UVRAG: variants seen among roughly 807,000 people sequenced by gnomAD.
UVRAG encodes UV radiation resistance associated.
Under a neutral mutation model 78.0 loss-of-function variants are expected in UVRAG, and 19 were observed. The ratio of observed to expected loss-of-function variants is 0.24; its 90% CI spans 0.17 to 0.36. The LOEUF (loss-of-function observed/expected upper bound fraction) is 0.36. UVRAG is among the 10% of genes least tolerant of loss of function. The probability of loss-of-function intolerance (pLI) is 1.00; values close to 1 mark genes in which losing one functional copy is unlikely to be tolerated. For missense variants in UVRAG, 740 were observed against 853.8 expected (o/e 0.87, Z 1.66); for synonymous variants, 323 against 324.6 (o/e 1.00, Z 0.05).
At chr11:75,987,170 A>G (rs148525632) in intron 8 of UVRAG, among the ~76,000 whole-genome samples, 50 of 152,294 alleles carry the variant, frequency 3.3e-4, no homozygotes, top group Non-Finnish European at 6.2e-4. Flanking sequence ...TAACTTTTTG[A>G]ATGACTGCCA....
chr11:76,121,200 C>T (rs557899753), intron 14 of UVRAG, among the ~76,000 whole-genome samples: 3 of 152,242 alleles, frequency 2.0e-5, no homozygotes, highest in South Asian at 4.2e-4. Context: ...TGAGAATGAT[C>T]GACCTGATTA....
At chr11:76,137,154 C>T (rs1264751075) in intron 14 of UVRAG, 9 of 336,976 alleles carry the variant, frequency 2.7e-5, no homozygotes, top group East Asian at 7.6e-5. Context: ...TGGCCCGCCA[C>T]GCAAATCCTG....
intron 13 of UVRAG, among the ~76,000 whole-genome samples, chr11:76,090,230 G>A (rs548867065): frequency 2.0e-5 from 3 of 152,174 alleles, no homozygotes; most frequent in South Asian, 4.2e-4. Flanking sequence ...TCATGTCCTC[G>A]CTTTACCTTT....
At chr11:76,125,906 T>C (rs1952378574) in intron 14 of UVRAG, among the ~76,000 whole-genome samples, 1 of 151,952 alleles carries the variant, frequency 6.6e-6, no homozygotes, top group Admixed American at 6.6e-5. Context: ...TCAATAGAAA[T>C]ATAATATGAG....
intron 1 of UVRAG, among the ~76,000 whole-genome samples, chr11:75,817,270 G>T (rs1352305215): frequency 6.6e-6 from 1 of 152,160 alleles, no homozygotes; most frequent in Middle Eastern, 3.2e-3. Flanking sequence ...TAGTTTGGGG[G>T]AGCTTCGAGA....
chr11:76,020,859 G>A (rs1304367457), intron 12 of UVRAG, among the ~76,000 whole-genome samples: 4 of 151,950 alleles, frequency 2.6e-5, no homozygotes, highest in Non-Finnish European at 4.4e-5. Context: ...CACCTTTTCC[G>A]TGGTAGAAAG....
At chr11:75,998,519 AAC>A (rs1949749807) in intron 8 of UVRAG, among the ~76,000 whole-genome samples, 1 of 152,228 alleles carries the variant, frequency 6.6e-6, no homozygotes, top group Non-Finnish European at 1.5e-5. Context: ...AAGAAAAAAA[AAC>A]ACTGGATAAT....
chr11:75,913,047 G>T (rs1947772936), intron 6 of UVRAG, among the ~76,000 whole-genome samples: 1 of 152,192 alleles, frequency 6.6e-6, no homozygotes, highest in Non-Finnish European at 1.5e-5. Flanking sequence ...AGAGGGTGGA[G>T]ATTGTAGTAA....
At chr11:76,095,305 T>C (rs1361199457) in intron 13 of UVRAG, among the ~76,000 whole-genome samples, 1 of 152,172 alleles carries the variant, frequency 6.6e-6, no homozygotes, top group Non-Finnish European at 1.5e-5. Context: ...CTCTCAACTT[T>C]CCCTACTTCT....
intron 3 of UVRAG, among the ~76,000 whole-genome samples, chr11:75,875,968 C>T (rs760299508): frequency 2.0e-5 from 3 of 152,038 alleles, no homozygotes; most frequent in Admixed American, 6.5e-5. Context: ...GAGCCCATGA[C>T]TTAGAGACCA....
At chr11:75,947,048 A>G (rs748342486) in intron 6 of UVRAG, among the ~76,000 whole-genome samples, 1 of 152,042 alleles carries the variant, frequency 6.6e-6, no homozygotes, top group African/African-American at 2.4e-5. Context: ...ATGCGTGTGG[A>G]GAGGGAGAGA....
At chr11:76,023,497 G>A (rs1327099135) in intron 12 of UVRAG, among the ~76,000 whole-genome samples, 1 of 151,528 alleles carries the variant, frequency 6.6e-6, no homozygotes, top group Non-Finnish European at 1.5e-5. Flanking sequence ...TTGAACATTT[G>A]TTAGCTGCTT....
intron 12 of UVRAG, among the ~76,000 whole-genome samples, chr11:76,024,388 T>G (rs990367490): frequency 6.6e-6 from 1 of 152,168 alleles, no homozygotes; most frequent in Non-Finnish European, 1.5e-5. Flanking sequence ...ATCCCTTTTT[T>G]CCTTGGCAGC....
chr11:75,831,693 A>G (rs1162707213), intron 1 of UVRAG, among the ~76,000 whole-genome samples: 1 of 152,228 alleles, frequency 6.6e-6, no homozygotes, highest in African/African-American at 2.4e-5. Flanking sequence ...CCAGAGTTTA[A>G]GGAGCTTAGA....
intron 3 of UVRAG, among the ~76,000 whole-genome samples, chr11:75,876,837 T>A (rs1295055877): frequency 2.6e-5 from 4 of 151,724 alleles, no homozygotes; most frequent in African/African-American, 9.7e-5. Context: ...TTATGTTTTT[T>A]TTTTATTTTT....
intron 12 of UVRAG, among the ~76,000 whole-genome samples, chr11:76,025,741 A>G (rs1950315447): frequency 6.6e-6 from 1 of 152,136 alleles, no homozygotes; most frequent in South Asian, 2.1e-4. Context: ...TGTGTTCAAA[A>G]TCAGATAATA....
chr11:76,077,231 A>G (rs1218368683), intron 13 of UVRAG, among the ~76,000 whole-genome samples: 2 of 151,126 alleles, frequency 1.3e-5, no homozygotes, highest in East Asian at 1.9e-4. Flanking sequence ...TCAAAAAATT[A>G]TATTTATTTA....
chr11:75,912,663 C>T (rs1411537524), intron 6 of UVRAG, among the ~76,000 whole-genome samples: 1 of 152,196 alleles, frequency 6.6e-6, no homozygotes, highest in East Asian at 1.9e-4. Context: ...CAACACTCAA[C>T]CAATGTTCAC....
intron 3 of UVRAG, among the ~76,000 whole-genome samples, chr11:75,864,602 T>C (rs1311701894): frequency 6.6e-6 from 1 of 152,262 alleles, no homozygotes; most frequent in Non-Finnish European, 1.5e-5. Context: ...TGATATTTGC[T>C]GAATAGTTAG....
Sources: allele counts gnomAD v4.1 joint callset (sites outside exome capture counted in the v4.1 genomes callset), GRCh38; gene constraint gnomAD v4.1.1; transcripts MANE v1.5; gene names NCBI Gene and HGNC (gene_info 2026-07-23, HGNC 2026-07-21).